Variants in TAFA1 observed in about 807,000 individuals in gnomAD.
The protein encoded by TAFA1 is chemokine-like protein TAFA-1.
Under a neutral mutation model 18.5 loss-of-function variants are expected in TAFA1, and 4 were observed. The ratio of observed to expected loss-of-function variants is 0.22; its 90% CI spans 0.11 to 0.49. The LOEUF (loss-of-function observed/expected upper bound fraction) is 0.49. Ranked by LOEUF, TAFA1 falls within the 20% of genes least tolerant of loss-of-function variation. The probability of loss-of-function intolerance (pLI) is 0.98; values close to 1 mark genes in which losing one functional copy is unlikely to be tolerated. For missense variants in TAFA1, 147 were observed against 169.0 expected (o/e 0.87, Z 0.72); for synonymous variants, 56 against 55.2 (o/e 1.01, Z -0.06).
intron 2 of TAFA1, among the ~76,000 whole-genome samples, chr3:68,184,517 A>G (rs1256961912): frequency 2.0e-5 from 3 of 152,236 alleles, no homozygotes; most frequent in African/African-American, 7.2e-5. Context: ...TATAAGGATA[A>G]AAATTATTAT....
Position 68,523,753 on chromosome 3 carries a change from A to G in TAFA1, c.260-15003A>G, listed in dbSNP as rs558675083. Among the ~76,000 whole-genome samples, 4 of 152,314 alleles carry G rather than the reference A, an allele frequency of 2.6e-5. 1 individual carries two copies. Among genetic ancestry groups the G allele is most frequent in the African/African-American group, 7.2e-5 (3 of 41,570 alleles). ...TTTTTATTTTTCTTTTCAAAGGCCT[A>G]GGTTTTCTTTGCATGTACTCTTGCT... On this transcript the variant is annotated intron_variant, in intron 3 of 4. Transcript: ENST00000478136.
intron 2 of TAFA1, among the ~76,000 whole-genome samples, chr3:68,016,152 T>C (rs986813565): frequency 6.6e-6 from 1 of 152,224 alleles, no homozygotes; most frequent in Non-Finnish European, 1.5e-5. Flanking sequence ...TCTGTAATGA[T>C]GGATATTTAC....
chr3:68,052,680 C>G (rs2064485342), intron 2 of TAFA1, among the ~76,000 whole-genome samples: 1 of 152,168 alleles, frequency 6.6e-6, no homozygotes, highest in Non-Finnish European at 1.5e-5. Context: ...CACTCACCAG[C>G]AAATATTTAT....
chr3:68,513,373 G>A (rs938038587), intron 3 of TAFA1, among the ~76,000 whole-genome samples: 1 of 152,132 alleles, frequency 6.6e-6, no homozygotes, highest in African/African-American at 2.4e-5. Context: ...CAATATGGTA[G>A]CCACTAGCCA....
intron 2 of TAFA1, among the ~76,000 whole-genome samples, chr3:68,228,497 T>C (rs1253155402): frequency 6.6e-6 from 1 of 152,168 alleles, no homozygotes; most frequent in Non-Finnish European, 1.5e-5. Flanking sequence ...ATTATTACTG[T>C]ATATTTTCTG....
intron 2 of TAFA1, among the ~76,000 whole-genome samples, chr3:68,347,986 G>C (rs1430672886): frequency 6.6e-6 from 1 of 152,094 alleles, no homozygotes; most frequent in Non-Finnish European, 1.5e-5. Context: ...ACCAAAATCA[G>C]TGAGACTTAG....
At chr3:68,474,333 A>T (rs2072052538) in intron 3 of TAFA1, among the ~76,000 whole-genome samples, 1 of 152,194 alleles carries the variant, frequency 6.6e-6, no homozygotes, top group Non-Finnish European at 1.5e-5. Context: ...TGAAATAGGA[A>T]TGAAACACTT....
intron 2 of TAFA1, among the ~76,000 whole-genome samples, chr3:68,053,285 G>A (rs542785352): frequency 6.6e-6 from 1 of 152,236 alleles, no homozygotes; most frequent in Non-Finnish European, 1.5e-5. Context: ...AGATGGAGGA[G>A]CCAAGGAGAA....
chr3:68,013,200 T>A (rs1036857428), intron 2 of TAFA1, among the ~76,000 whole-genome samples: 1 of 152,122 alleles, frequency 6.6e-6, no homozygotes, highest in East Asian at 1.9e-4. Context: ...GGAATGAAGA[T>A]TTTGGTGGAA....
chr3:68,249,250 C>T (rs189318101), intron 2 of TAFA1, among the ~76,000 whole-genome samples: 1 of 152,274 alleles, frequency 6.6e-6, no homozygotes, highest in African/African-American at 2.4e-5. Context: ...CTTGATCTCC[C>T]CTAGTCCCTG....
intron 2 of TAFA1, among the ~76,000 whole-genome samples, chr3:68,248,276 G>T (rs1022768873): frequency 5.3e-5 from 8 of 152,164 alleles, no homozygotes; most frequent in Non-Finnish European, 1.2e-4. Flanking sequence ...TAAGGTCAGG[G>T]CTTATTTTAT....
chr3:68,258,393 G>A (rs1409183304), intron 2 of TAFA1, among the ~76,000 whole-genome samples: 1 of 152,152 alleles, frequency 6.6e-6, no homozygotes, highest in African/African-American at 2.4e-5. Flanking sequence ...CAATTGGTCA[G>A]GACTTGAGCA....
intron 3 of TAFA1, among the ~76,000 whole-genome samples, chr3:68,482,071 C>A (rs1051189783): frequency 1.3e-5 from 2 of 152,174 alleles, no homozygotes; most frequent in Non-Finnish European, 2.9e-5. Context: ...AGTGCAGTGG[C>A]GCGATCTTGA....
At chr3:68,370,469 T>TGTATATATATATATATATATAC (rs2069675091) in intron 2 of TAFA1, among the ~76,000 whole-genome samples, 1 of 31,138 alleles carries the variant, frequency 3.2e-5, no homozygotes, top group African/African-American at 1.7e-4. Context: ...TGTGTGTGTG[T>TGTATATATATATATATATATAC]GTGTATATAT....
At chr3:68,387,993 C>G (rs1413976767) in intron 2 of TAFA1, among the ~76,000 whole-genome samples, 1 of 152,106 alleles carries the variant, frequency 6.6e-6, no homozygotes, top group Non-Finnish European at 1.5e-5. Flanking sequence ...ACTAAAATAA[C>G]TCATGTTACT....
intron 2 of TAFA1, among the ~76,000 whole-genome samples, chr3:68,412,696 G>A (rs898060810): frequency 9.9e-5 from 15 of 151,956 alleles, no homozygotes; most frequent in Non-Finnish European, 2.9e-5. Flanking sequence ...TCCCTACAAA[G>A]GACATGAATG....
At chr3:68,266,630 T>C (rs906061984) in intron 2 of TAFA1, among the ~76,000 whole-genome samples, 2 of 151,980 alleles carry the variant, frequency 1.3e-5, no homozygotes, top group African/African-American at 4.8e-5. Flanking sequence ...GCAAACTATG[T>C]GATGTGGATT....
At chr3:68,070,943 A>G (rs550439441) in intron 2 of TAFA1, among the ~76,000 whole-genome samples, 1 of 152,344 alleles carries the variant, frequency 6.6e-6, no homozygotes, top group South Asian at 2.1e-4. Context: ...AAAGCCATTC[A>G]ACAAGTCTCT....
chr3:68,417,371 A>T lies in TAFA1; in HGVS notation c.210A>T (p.Leu70=), dbSNP rs368741961. The stretch of plus-strand genomic sequence containing the variant: ...CACAAACAGTAAAGTGTTCCTGTCT[A>T]CCTGGAAAAGTGGCTGGAACAACAA... The part of the protein sequence containing the change: ...ERSQTVKCSC[L]PGKVAGTTRN... Residue 70 remains leucine, a synonymous_variant, in exon 3 of 5, where the codon CTA becomes CTT. Transcript: ENST00000478136. 18 of 1,613,412 alleles carry T rather than the reference A, an allele frequency of 1.1e-5. No individual in the cohort carries two copies. The African/African-American group carries it at 1.7e-4, about 16-fold the overall frequency.
Sources: allele counts gnomAD v4.1 joint callset (sites outside exome capture counted in the v4.1 genomes callset), GRCh38; gene constraint gnomAD v4.1.1; transcripts MANE v1.5; gene names NCBI Gene and HGNC (gene_info 2026-07-23, HGNC 2026-07-21).